Variants in MICAL3 observed in about 807,000 individuals in gnomAD.
MICAL3 encodes microtubule associated monooxygenase, calponin and LIM domain containing 3, also known as [F-actin]-monooxygenase MICAL3.
In MICAL3, 62 loss-of-function variants were observed where a neutral mutation model predicts 207.4. The observed-to-expected ratio is 0.30, with a 90% CI of 0.24 to 0.37. The LOEUF (loss-of-function observed/expected upper bound fraction) is 0.37. Among genes scored for constraint, MICAL3 ranks in the 10% least tolerant of loss-of-function variants. MICAL3 has a pLI of 1.00. For missense variants in MICAL3, 2,368 were observed against 2,635.6 expected (o/e 0.90, Z 2.22); for synonymous variants, 1,077 against 1,069.3 (o/e 1.01, Z -0.14).
intron 19 of MICAL3, chr22:17,863,983 CT>C: frequency 1.0e-6 from 1 of 985,550 alleles, no homozygotes; most frequent in Non-Finnish European, 1.2e-6. Flanking sequence ...TGCTGGCCCC[CT>C]CTTGCCACAG....
Position 17,866,001 on chromosome 22 carries a change from A to G in MICAL3, c.2440T>C (p.Cys814Arg). The G allele has an allele frequency of 6.2e-7, 1 of 1,613,608 alleles. No individual in the cohort carries two copies. Among genetic ancestry groups the G allele is most frequent in the Non-Finnish European group, 8.5e-7 (1 of 1,179,522 alleles). ...AGTCGATAGCAGTAGTGTGGCTTAC[A>G]GTAGAATTTACCTGCAGACAGCAAG... Reference protein sequence around the residue: ...AYDIEDGKFYCKPHYCYRLSG... With the variant: ...AYDIEDGKFYRKPHYCYRLSG... Residue 814 changes from cysteine (C) to arginine (R), a missense_variant, in exon 18 of 32, where the codon TGT becomes CGT. This residue lies in a region of MICAL3 where 1,770 missense variants were observed against 1,863.2 expected (regional missense o/e 0.95). Transcript: ENST00000441493.
chr22:17,918,141 C>G (rs559440585), intron 1 of MICAL3, among the ~76,000 whole-genome samples: 1 of 152,328 alleles, frequency 6.6e-6, no homozygotes, highest in East Asian at 1.9e-4. Context: ...CTACAAGGCC[C>G]TATAAACGTG....
intron 21 of MICAL3, among the ~76,000 whole-genome samples, chr22:17,830,358 G>A (rs1922673829): frequency 6.6e-6 from 1 of 152,210 alleles, no homozygotes; most frequent in African/African-American, 2.4e-5. Flanking sequence ...ATGTGTTTGT[G>A]TAGTTAAAGC....
intron 1 of MICAL3, among the ~76,000 whole-genome samples, chr22:17,918,766 C>T (rs1023271539): frequency 1.3e-5 from 2 of 152,264 alleles, no homozygotes; most frequent in South Asian, 2.1e-4. Flanking sequence ...CCTCAGCCTC[C>T]GCATCTGCAG....
At chr22:17,809,050 T>A in intron 28 of MICAL3, 113 bp from the exon 29 acceptor site, 1 of 911,092 alleles carries the variant, frequency 1.1e-6, no homozygotes, top group South Asian at 1.6e-5. Context: ...TGGAAAGGGC[T>A]CTAGTCTGTG....
At chr22:17,846,363 C>G (rs976673990) in intron 19 of MICAL3, among the ~76,000 whole-genome samples, 1 of 151,818 alleles carries the variant, frequency 6.6e-6, no homozygotes, top group Admixed American at 6.6e-5. Flanking sequence ...GCTCCACATT[C>G]CCAGCCCTTC....
At chr22:17,798,809 G>C (rs1251137926) in intron 29 of MICAL3, among the ~76,000 whole-genome samples, 1 of 151,514 alleles carries the variant, frequency 6.6e-6, no homozygotes, top group Non-Finnish European at 1.5e-5. Context: ...GAGTAGCTGG[G>C]ACTACAGGCG....
Position 17,808,977 on chromosome 22 carries a change from C to T in MICAL3, c.5557-40G>A, listed in dbSNP as rs778393722. 5.9e-6 allele frequency: 9 copies of T among 1,512,638 alleles called. No homozygotes were observed. The African/African-American group carries it at 8.3e-5, about 14-fold the overall frequency. The allele number at this position is 1,512,638 out of a possible 1,614,324, so 93.7% of individuals were successfully genotyped here. Reference sequence around the variant, plus strand: ...ACAGACTGAGCACCCGGCTCTCCAGCCCTGCTTCAGGAGGACACACAACTC... The same window carrying T: ...ACAGACTGAGCACCCGGCTCTCCAGTCCTGCTTCAGGAGGACACACAACTC... On this transcript the variant is annotated intron_variant, in intron 28 of 31. Transcript: ENST00000441493.
Position 17,904,626 on chromosome 22 carries a change from A to G in MICAL3, c.472+6T>C, listed in dbSNP as rs1410295548. Reference sequence around the variant, plus strand: ...GGAATCTTACAGGAAAGCTAGTTTTACTTACTGATATGGTCGATGGCTCCA... The same window carrying G: ...GGAATCTTACAGGAAAGCTAGTTTTGCTTACTGATATGGTCGATGGCTCCA... On this transcript the variant is annotated splice_donor_region_variant and intron_variant, in intron 3 of 31. Transcript: ENST00000441493. 6.2e-7 allele frequency: 1 copy of G among 1,608,942 alleles called. No individual in the cohort carries two copies.
chr22:18,010,989 T>C (rs1923684060), intron 1 of MICAL3, among the ~76,000 whole-genome samples: 1 of 152,062 alleles, frequency 6.6e-6, no homozygotes. Context: ...GAAAAGCGAT[T>C]GAGAAGAACC....
At position 17,904,809 on chromosome 22, in the gene MICAL3, G is replaced by A; in HGVS notation, c.295C>T (p.Leu99Phe). Residue 99 changes from leucine (L) to phenylalanine (F), a missense_variant, in exon 3 of 32, where the codon CTC (leucine) becomes TTC (phenylalanine). Physicochemically the swap from Leu to Phe is conservative, Grantham distance 22. Around this residue, in one of 4 missense-constraint regions of MICAL3, gnomAD observed 400 missense variants for 547.0 expected, o/e 0.73. Transcript: ENST00000441493. ...CLIIGAGPCGLRTAIDLSLLG... is the reference protein window; with the variant it reads ...CLIIGAGPCGFRTAIDLSLLG... ...AAGGATAAGTCGATGGCTGTACGGA[G>A]ACCACAGGGGCCAGCCCCAATGATG... 1.2e-6 allele frequency: 2 copies of A among 1,613,986 alleles called. No homozygotes were observed. Among genetic ancestry groups the A allele is most frequent in the Non-Finnish European group, 1.7e-6 (2 of 1,179,860 alleles).
intron 22 of MICAL3, among the ~76,000 whole-genome samples, chr22:17,826,790 C>T (rs572787503): frequency 4.8e-4 from 73 of 152,340 alleles, no homozygotes; most frequent in African/African-American, 1.6e-3. Context: ...CCCAGTGATG[C>T]GGGTGCTCAT....
At chr22:17,910,084 G>A (rs1022018077) in intron 1 of MICAL3, among the ~76,000 whole-genome samples, 1 of 152,182 alleles carries the variant, frequency 6.6e-6, no homozygotes, top group African/African-American at 2.4e-5. Context: ...ACTTTTCTTT[G>A]TTTCTAAACA....
chr22:17,805,021 G>A (rs752410719), intron 29 of MICAL3, among the ~76,000 whole-genome samples: 2 of 152,178 alleles, frequency 1.3e-5, no homozygotes, highest in South Asian at 2.1e-4. Flanking sequence ...AACGGAGAAC[G>A]GGATGGCAGG....
intron 28 of MICAL3, among the ~76,000 whole-genome samples, chr22:17,809,385 C>T (rs2062019932): frequency 6.6e-6 from 1 of 152,154 alleles, no homozygotes; most frequent in African/African-American, 2.4e-5. Context: ...CGTGTAATCC[C>T]AACACTTTGG....
intron 1 of MICAL3, among the ~76,000 whole-genome samples, chr22:17,938,482 T>G (rs940310208): frequency 1.3e-5 from 2 of 152,146 alleles, no homozygotes; most frequent in Non-Finnish European, 2.9e-5. Context: ...TACGCTGCTG[T>G]GTTACCAATG....
intron 19 of MICAL3, chr22:17,860,275 T>C (rs1396501654): frequency 3.0e-6 from 3 of 985,010 alleles, no homozygotes; most frequent in Non-Finnish European, 3.6e-6. Context: ...CACAATTAAA[T>C]AAAAACTCAC....
chr22:17,847,867 G>C (rs987452886), intron 19 of MICAL3, among the ~76,000 whole-genome samples: 2 of 152,182 alleles, frequency 1.3e-5, no homozygotes, highest in African/African-American at 4.8e-5. Flanking sequence ...GTCTCGCTAT[G>C]TTGCCCAGGC....
rs757500114 is a variant in MICAL3, at chr22:17,796,794, GCCTT to G, written c.5651-5497_5651-5494del. Among the ~76,000 whole-genome samples the G allele has an allele frequency of 4.0e-4, 61 of 152,256 alleles. No individual in the cohort carries two copies. Among genetic ancestry groups the G allele is most frequent in the African/African-American group, 1.4e-3 (60 of 41,544 alleles). On this transcript the variant is annotated intron_variant, in intron 29 of 31. Transcript: ENST00000441493. The surrounding 1 kb of genome is among the most constrained non-coding windows in gnomAD (Gnocchi z 4.4). ...AAGGCAGGACCTGAATCCAGGCCTGGCCTTCCTAAGTCGGGGTACCCCCTACACT... is the reference window on the plus strand; with the variant it reads ...AAGGCAGGACCTGAATCCAGGCCTGGCCTAAGTCGGGGTACCCCCTACACT...
Sources: gnomAD v4.1 joint callset for allele counts (sites outside exome capture counted in the v4.1 genomes callset) on GRCh38, gnomAD v4.1.1 for gene constraint, gnomAD v4.1.1 regional missense constraint, Gnocchi (gnomAD v3.1) non-coding constraint, MANE v1.5 for transcripts, NCBI Gene and HGNC (gene_info 2026-07-23, HGNC 2026-07-21) for gene names.